The following GBF1 variants were observed in gnomAD, a reference collection of about 807,000 sequenced individuals.
The protein encoded by GBF1 is golgi brefeldin A resistant guanine nucleotide exchange factor 1, also known as Golgi-specific brefeldin A-resistance guanine nucleotide exchange factor 1.
A neutral mutation model predicts 210.5 loss-of-function variants in GBF1; 114 were observed. The observed-to-expected ratio is 0.54, with a 90% CI of 0.47 to 0.63. The LOEUF (loss-of-function observed/expected upper bound fraction) is 0.63, where lower values mean the gene tolerates loss of function less well. Among genes scored for constraint, GBF1 ranks in the 30% least tolerant of loss-of-function variants. The pLI is 0.00. For synonymous variants in GBF1, 850 were observed against 889.2 expected, an observed-to-expected ratio of 0.96 and a Z score of 0.78; for missense variants, 1,851 against 2,357.7, an observed-to-expected ratio of 0.79 and a Z score of 4.45.
At chr10:102,380,064 C>A in intron 36 of GBF1, 110 bp downstream of exon 36, 1 of 783,762 alleles carries the variant, frequency 1.3e-6, no homozygotes, top group Non-Finnish European at 2.2e-6. Context: ...TGCTCACAAC[C>A]CCCCAGCTAT....
intron 4 of GBF1, among the ~76,000 whole-genome samples, chr10:102,350,812 A>G (rs1308391629): frequency 1.3e-5 from 2 of 152,022 alleles, no homozygotes; most frequent in African/African-American, 4.8e-5. Flanking sequence ...GGCCGGGTGC[A>G]GTGGCTCACA....
chr10:102,382,155 C>T lies in GBF1; in HGVS notation c.5402C>T (p.Pro1801Leu), dbSNP rs752682007. 4 of 1,613,244 alleles carry T rather than the reference C, an allele frequency of 2.5e-6. No homozygotes were observed. In the African/African-American group the frequency reaches 4.0e-5, roughly 16 times the overall value. ...PSRLSPTPDG[P>L]PPLAQPPLIL... Reference sequence around the variant, plus strand: ...AGGCTGAGCCCCACCCCCGACGGGCCTCCACCCTTGGCTCAGCCCCCACTG... The same window carrying T: ...AGGCTGAGCCCCACCCCCGACGGGCTTCCACCCTTGGCTCAGCCCCCACTG... The change falls in exon 40 of 40, where the codon CCT becomes CTT. Residue 1801 changes from proline (P) to leucine (L), a missense_variant. By Grantham distance (98) the Pro-to-Leu change is moderately conservative. This residue lies in a region of GBF1 where 967 missense variants were observed against 1,247.7 expected (regional missense o/e 0.78). Coordinates refer to ENST00000369983, the MANE Select transcript of GBF1 (RefSeq NM_001377137.1).
At chr10:102,362,015 C>G in intron 14 of GBF1, 103 bp downstream of exon 14, 1 of 485,344 alleles carries the variant, frequency 2.1e-6, no homozygotes, top group South Asian at 4.8e-5. Context: ...CACTTGAGAG[C>G]TGGGAAATAG....
At chr10:102,319,142 C>T (rs892606911) in intron 3 of GBF1, among the ~76,000 whole-genome samples, 1 of 152,126 alleles carries the variant, frequency 6.6e-6, no homozygotes, top group Non-Finnish European at 1.5e-5. Flanking sequence ...ATGGTGAAAC[C>T]CCGTCTCTAC....
chr10:102,306,633 A>G (rs2077903985), intron 3 of GBF1, among the ~76,000 whole-genome samples: 1 of 152,226 alleles, frequency 6.6e-6, no homozygotes, highest in Admixed American at 6.5e-5. Flanking sequence ...CATGTTGGCC[A>G]GGTTGGTCTT....
chr10:102,356,027 G>T (rs910526068), intron 8 of GBF1, among the ~76,000 whole-genome samples: 1 of 152,174 alleles, frequency 6.6e-6, no homozygotes, highest in African/African-American at 2.4e-5. Flanking sequence ...TTTGGAGATG[G>T]ATCATCTAGA....
Position 102,365,569 on chromosome 10 carries a change from A to G in GBF1, c.2279A>G (p.Lys760Arg). The G allele has an allele frequency of 6.2e-7, 1 of 1,614,152 alleles. No individual in the cohort carries two copies. The highest frequency in any genetic ancestry group is 1.1e-5 in the South Asian group (1 of 91,084). The change falls in exon 18 of 40, where the codon AAA (lysine) becomes AGA (arginine). Residue 760 changes from lysine (K) to arginine (R), a missense_variant. Coordinates refer to ENST00000369983, the MANE Select transcript of GBF1 (RefSeq NM_001377137.1). ...ATTGGAGAGTTTGTGAGTGACCGCA[A>G]AAACATTGACCTGTTGGAGAGCTTT... Reference protein sequence around the residue: ...KMIGEFVSDRKNIDLLESFVS... With the variant: ...KMIGEFVSDRRNIDLLESFVS...
chr10:102,327,943 G>A (rs1034233990), intron 3 of GBF1, among the ~76,000 whole-genome samples: 1 of 152,178 alleles, frequency 6.6e-6, no homozygotes, highest in African/African-American at 2.4e-5. Flanking sequence ...AGATTCAGCT[G>A]TCTTAAAGGT....
the GBF1 span, among the ~76,000 whole-genome samples, chr10:102,234,556 A>G: frequency 6.6e-6 from 1 of 152,160 alleles, no homozygotes; most frequent in Non-Finnish European, 1.5e-5. Flanking sequence ...AGAAGGAACT[A>G]TGGTAGCCTT....
intron 3 of GBF1, among the ~76,000 whole-genome samples, chr10:102,277,746 A>G (rs1217270281): frequency 2.0e-5 from 3 of 152,202 alleles, no homozygotes; most frequent in Admixed American, 2.0e-4. Flanking sequence ...TCTCTTACTA[A>G]TTTAAGTATA....
At chr10:102,362,706 C>G in intron 15 of GBF1, 42 bp downstream of exon 15, 1 of 1,464,296 alleles carries the variant, frequency 6.8e-7, no homozygotes, top group South Asian at 1.2e-5. Context: ...GTGTTCTATG[C>G]TTATCCCTTC....
At chr10:102,235,805 A>G in the GBF1 span, among the ~76,000 whole-genome samples, 1 of 152,182 alleles carries the variant, frequency 6.6e-6, no homozygotes, top group Non-Finnish European at 1.5e-5. Context: ...AATGAAGGTG[A>G]GTACGCTGCA....
At chr10:102,359,188 G>A (rs2059453910) in intron 10 of GBF1, 79 bp from the exon 11 acceptor site, 2 of 980,530 alleles carry the variant, frequency 2.0e-6, no homozygotes, top group Admixed American at 3.5e-5. Context: ...CAGCTTGGAA[G>A]ACAGCTACTT....
At chr10:102,290,696 G>A (rs1231688639) in intron 3 of GBF1, among the ~76,000 whole-genome samples, 1 of 152,010 alleles carries the variant, frequency 6.6e-6, no homozygotes, top group Admixed American at 6.6e-5. Flanking sequence ...GTAGAGATGG[G>A]TTTTTGCCAT....
At position 102,367,192 on chromosome 10, in the gene GBF1, T is replaced by C. The variant is rs1003279715; in HGVS notation, c.2541T>C (p.Asn847=). The change falls in exon 20 of 40, where the codon AAT becomes AAC. Residue 847 remains asparagine (N), a synonymous_variant. Coordinates refer to ENST00000369983, the MANE Select transcript of GBF1 (RefSeq NM_001377137.1). ...DQHNHNVRKQ[N]APMTLEEFRK... ...ACAACCACAATGTTCGTAAACAGAA[T>C]GCACCCATGACCCTGGAGGTAAGCT... 6.2e-7 allele frequency: 1 copy of C among 1,614,094 alleles called. No individual in the cohort carries two copies. The highest frequency in any genetic ancestry group is 1.6e-4 in the Middle Eastern group (1 of 6,062).
chr10:102,303,268 G>A (rs922262955), intron 3 of GBF1, among the ~76,000 whole-genome samples: 1 of 152,112 alleles, frequency 6.6e-6, no homozygotes, highest in African/African-American at 2.4e-5. Flanking sequence ...GATTACAGGC[G>A]TGAGCCACCA....
rs1389331338 is a variant in GBF1 at position 102,361,845 on chromosome 10, A to G, written c.1619A>G (p.Tyr540Cys). The change falls in exon 14 of 40, where the codon TAC becomes TGC. Residue 540 changes from tyrosine (Y) to cysteine (C), a missense_variant. Physicochemically the swap from Tyr to Cys is radical, Grantham distance 194. Around this residue, in one of 3 missense-constraint regions of GBF1, gnomAD observed 804 missense variants for 958.6 expected, o/e 0.84. Coordinates refer to ENST00000369983, the MANE Select transcript of GBF1 (RefSeq NM_001377137.1). Reference sequence around the variant, plus strand: ...ATCCCCAGCTTTGTCACAGAGCTCTACATCAACTATGATTGTGACTACTAC... The same window carrying G: ...ATCCCCAGCTTTGTCACAGAGCTCTGCATCAACTATGATTGTGACTACTAC... Reference protein sequence around the residue: ...WRIPSFVTELYINYDCDYYCS... With the variant: ...WRIPSFVTELCINYDCDYYCS... The G allele has an allele frequency of 1.7e-5, 28 of 1,613,938 alleles. No homozygotes were observed. The highest frequency in any genetic ancestry group is 2.4e-5 in the Non-Finnish European group (28 of 1,179,852).
upstream of GBF1, among the ~76,000 whole-genome samples, chr10:102,241,075 G>C (rs140428925): frequency 6.6e-6 from 1 of 152,204 alleles, no homozygotes; most frequent in African/African-American, 2.4e-5. This position sits in a 1 kb window ranked among gnomAD's most constrained non-coding sequence, Gnocchi z 6.7. Flanking sequence ...CCTGCCTCGC[G>C]AAGCCCCTAT....
In GBF1 at chr10:102,258,966, C is replaced by T; in HGVS notation, c.28C>T (p.Gln10Ter). The part of the protein sequence containing the change: MVDKNIYII[Q>*]GEINIVVGAI... ...GGTGGATAAGAATATTTACATCATT[C>T]AAGGGGAGATTAACATTGTGGTTGG... is the stretch of plus-strand genomic sequence containing the variant. The change falls in exon 2 of 40, where the codon CAA becomes TAA. Residue 10 changes from glutamine (Q) to a stop codon, truncating the protein, a stop_gained. Coordinates refer to ENST00000369983, the MANE Select transcript of GBF1 (RefSeq NM_001377137.1). LOFTEE classifies it high-confidence loss of function. 3 of 1,603,516 alleles carry T rather than the reference C, an allele frequency of 1.9e-6. No individual in the cohort carries two copies. The highest frequency in any genetic ancestry group is 2.6e-6 in the Non-Finnish European group (3 of 1,170,460).
Sources: allele counts gnomAD v4.1 joint callset (sites outside exome capture counted in the v4.1 genomes callset), GRCh38; gene constraint gnomAD v4.1.1; regional missense constraint gnomAD v4.1.1; non-coding constraint Gnocchi (gnomAD v3.1); transcripts MANE v1.5; gene names NCBI Gene and HGNC (gene_info 2026-07-23, HGNC 2026-07-21).